The following TSPAN18 variants were observed in gnomAD, a reference collection of about 807,000 sequenced individuals.
TSPAN18 encodes the protein tetraspanin 18.
In TSPAN18, 14 loss-of-function variants were observed where a neutral mutation model predicts 27.3. The ratio of observed to expected loss-of-function variants is 0.51; its 90% CI spans 0.34 to 0.80. TSPAN18 has a LOEUF of 0.80. Among genes scored for constraint, TSPAN18 ranks in the 30% least tolerant of loss-of-function variants. TSPAN18 has a pLI of 0.01. For synonymous variants in TSPAN18, 143 were observed against 136.5 expected (o/e 1.05, Z -0.33); for missense variants, 268 against 323.9 (o/e 0.83, Z 1.32).
chr11:44,813,106 C>G (rs1217978659), intron 2 of TSPAN18, among the ~76,000 whole-genome samples: 1 of 152,218 alleles, frequency 6.6e-6, no homozygotes. Context: ...TGATTTCTCC[C>G]AGTCCTGCCA....
intron 2 of TSPAN18, 118 bp from the exon 3 acceptor site, chr11:44,860,210 T>C (rs1463571543): frequency 6.6e-6 from 1 of 152,166 alleles, no homozygotes; most frequent in Non-Finnish European, 1.5e-5. Flanking sequence ...ACCTGCAGGC[T>C]CCTGCAGTCT....
At chr11:44,867,614 G>T (rs956207678) in intron 3 of TSPAN18, among the ~76,000 whole-genome samples, 28 of 152,110 alleles carry the variant, frequency 1.8e-4, no homozygotes, top group African/African-American at 6.7e-4. Flanking sequence ...GACCAGGGTG[G>T]TCTCAAACTC....
intron 5 of TSPAN18, among the ~76,000 whole-genome samples, chr11:44,915,203 G>A (rs193286200): frequency 6.6e-6 from 1 of 152,202 alleles, no homozygotes; most frequent in Admixed American, 6.5e-5. Flanking sequence ...GAGGGCAGAG[G>A]GTGGGGAGGG....
At chr11:44,734,562 A>G (rs1854741827) in intron 1 of TSPAN18, among the ~76,000 whole-genome samples, 1 of 152,246 alleles carries the variant, frequency 6.6e-6, no homozygotes, top group African/African-American at 2.4e-5. Flanking sequence ...GGGAGATGCT[A>G]GAAGTGGGCA....
chr11:44,850,462 T>C (rs835798), intron 2 of TSPAN18, among the ~76,000 whole-genome samples: 80,827 of 151,916 alleles, frequency 0.53, 22,807 homozygotes, highest in Non-Finnish European at 0.63. Flanking sequence ...CCAAGGTCCC[T>C]GCTGGCCGGA....
At chr11:44,773,927 C>T (rs1039166192) in intron 2 of TSPAN18, among the ~76,000 whole-genome samples, 2 of 152,212 alleles carry the variant, frequency 1.3e-5, no homozygotes, top group African/African-American at 4.8e-5. Flanking sequence ...AAAGCTTCAT[C>T]TCAGAGGCAG....
intron 2 of TSPAN18, among the ~76,000 whole-genome samples, chr11:44,783,171 A>G (rs2134958000): frequency 6.6e-6 from 1 of 152,264 alleles, no homozygotes; most frequent in East Asian, 1.9e-4. Flanking sequence ...TTTTTAAAGG[A>G]ATTCTTTAAT....
At chr11:44,762,345 T>G (rs1855472644) in intron 1 of TSPAN18, among the ~76,000 whole-genome samples, 1 of 152,212 alleles carries the variant, frequency 6.6e-6, no homozygotes, top group African/African-American at 2.4e-5. Context: ...CATTGACAAA[T>G]GATATTGCAG....
intron 1 of TSPAN18, among the ~76,000 whole-genome samples, chr11:44,730,430 G>A (rs961153328): frequency 1.4e-4 from 22 of 152,088 alleles, no homozygotes; most frequent in South Asian, 8.3e-4. Flanking sequence ...CTCAGCTGGG[G>A]TGCAGCACAG....
At chr11:44,733,114 C>G (rs1854703901) in intron 1 of TSPAN18, among the ~76,000 whole-genome samples, 1 of 152,306 alleles carries the variant, frequency 6.6e-6, no homozygotes, top group South Asian at 2.1e-4. Context: ...TCAGAACTGT[C>G]ATCTGGCCCC....
intron 2 of TSPAN18, among the ~76,000 whole-genome samples, chr11:44,826,137 GA>G (rs1171905264): frequency 6.6e-6 from 1 of 152,258 alleles, no homozygotes; most frequent in Non-Finnish European, 1.5e-5. Context: ...AAGGCTAAAA[GA>G]AGGGCCGGAC....
chr11:44,883,370 A>G (rs1858548198), intron 3 of TSPAN18, among the ~76,000 whole-genome samples: 1 of 152,244 alleles, frequency 6.6e-6, no homozygotes, highest in Admixed American at 6.5e-5. Flanking sequence ...GGGAACCGTG[A>G]AACCATGGCA....
At chr11:44,883,041 G>A (rs1218765820) in intron 3 of TSPAN18, among the ~76,000 whole-genome samples, 3 of 152,100 alleles carry the variant, frequency 2.0e-5, no homozygotes, top group South Asian at 2.1e-4. Flanking sequence ...CTGTACCTGC[G>A]ACCTCCCCTG....
At chr11:44,801,767 C>T (rs1412257354) in intron 2 of TSPAN18, among the ~76,000 whole-genome samples, 3 of 152,168 alleles carry the variant, frequency 2.0e-5, no homozygotes, top group Admixed American at 6.5e-5. Context: ...TTTAGTGGCT[C>T]ACACCTGTAA....
At chr11:44,780,600 T>G (rs1370121912) in intron 2 of TSPAN18, among the ~76,000 whole-genome samples, 1 of 152,282 alleles carries the variant, frequency 6.6e-6, no homozygotes, top group Non-Finnish European at 1.5e-5. Flanking sequence ...ATGGTTCTGA[T>G]ATTTGTTGAG....
intron 1 of TSPAN18, among the ~76,000 whole-genome samples, chr11:44,754,346 G>A (rs996674804): frequency 7.2e-5 from 11 of 152,258 alleles, no homozygotes; most frequent in African/African-American, 1.2e-4. Flanking sequence ...TATTACTGGC[G>A]TGTGGCTTTT....
chr11:44,850,842 C>A (rs1857583441), intron 2 of TSPAN18, among the ~76,000 whole-genome samples: 1 of 152,124 alleles, frequency 6.6e-6, no homozygotes, highest in Non-Finnish European at 1.5e-5. Flanking sequence ...CATTTCACTC[C>A]CCTGGCTCAG....
intron 2 of TSPAN18, among the ~76,000 whole-genome samples, chr11:44,792,234 G>C (rs760090798): frequency 6.6e-6 from 1 of 152,138 alleles, no homozygotes; most frequent in African/African-American, 2.4e-5. Context: ...GCTGTTTTTG[G>C]TGCAGGTCAG....
At chr11:44,780,081 A>C (rs775566375) in intron 2 of TSPAN18, among the ~76,000 whole-genome samples, 6 of 151,912 alleles carry the variant, frequency 3.9e-5, no homozygotes, top group Non-Finnish European at 7.4e-5. Context: ...ACGTCTTCAC[A>C]CACCTCTCCT....
Sources: allele counts gnomAD v4.1 joint callset (sites outside exome capture counted in the v4.1 genomes callset), GRCh38; gene constraint gnomAD v4.1.1; transcripts MANE v1.5; gene names NCBI Gene and HGNC (gene_info 2026-07-23, HGNC 2026-07-21).